The following DTD1 variants were observed in gnomAD, a reference collection of about 807,000 sequenced individuals.
DTD1 encodes the protein D-tyrosyl-tRNA deacylase 1 homolog.
In DTD1, 13 loss-of-function variants were observed where a neutral mutation model predicts 25.6. That is an observed-to-expected ratio of 0.51 (90% CI 0.33 to 0.81). The LOEUF (loss-of-function observed/expected upper bound fraction) is 0.81, where lower values mean the gene tolerates loss of function less well. Ranked by LOEUF, DTD1 falls within the 30% of genes least tolerant of loss-of-function variation. DTD1 has a pLI of 0.02. For synonymous variants in DTD1, 110 were observed against 103.6 expected (o/e 1.06, Z -0.37); for missense variants, 193 against 266.4 (o/e 0.72, Z 1.92).
intron 1 of DTD1, among the ~76,000 whole-genome samples, chr20:18,591,458 G>A (rs1831819784): frequency 1.3e-5 from 2 of 152,054 alleles, no homozygotes; most frequent in Admixed American, 6.6e-5. Context: ...CTATTAAAAG[G>A]TGTTTAGGAA....
rs2122548512 is a variant in DTD1 at position 18,765,281 on chromosome 20, G to C, written c.*1941G>C. On this transcript the variant is annotated 3_prime_UTR_variant, in exon 6 of 6. Coordinates refer to ENST00000377452, the MANE Select transcript of DTD1 (RefSeq NM_080820.6). ...AGGAACAAAAATAGGAGCAATGGGT[G>C]TAAGTTGCATCAACGTAGATTCTGG... 6.6e-6 allele frequency: 1 copy of C among 152,374 alleles called. No individual in the cohort carries two copies. The allele number at this position is 152,374 out of a possible 1,614,324, so 9.4% of individuals were successfully genotyped here.
At chr20:18,696,155 C>T (rs1400902355) in intron 4 of DTD1, among the ~76,000 whole-genome samples, 2 of 152,194 alleles carry the variant, frequency 1.3e-5, no homozygotes, top group Non-Finnish European at 2.9e-5. Flanking sequence ...GTAAAGAGCA[C>T]ATCTCTGCTC....
Position 18,717,794 on chromosome 20 carries a change from A to T in DTD1, c.478-26306A>T, listed in dbSNP as rs541920787. Among the ~76,000 whole-genome samples the T allele has an allele frequency of 7.8e-3, 1,187 of 152,314 alleles. 8 individuals are homozygous for T. Among genetic ancestry groups the T allele is most frequent in the Non-Finnish European group, 0.012 (849 of 68,030 alleles). ...CCTCAGAAAACTTAGAGCTTAAGCT[A>T]AATGTGATCAGCTAGAACTTCTCAT... On this transcript the variant is annotated intron_variant, in intron 4 of 5. Coordinates refer to ENST00000377452, the MANE Select transcript of DTD1 (RefSeq NM_080820.6).
At chr20:18,655,458 A>G (rs2060888103) in intron 4 of DTD1, among the ~76,000 whole-genome samples, 1 of 152,164 alleles carries the variant, frequency 6.6e-6, no homozygotes, top group Non-Finnish European at 1.5e-5. Context: ...TTTCTGAAAT[A>G]CTTACTTTTA....
chr20:18,591,735 A>T (rs914851273), intron 1 of DTD1, among the ~76,000 whole-genome samples: 3 of 152,222 alleles, frequency 2.0e-5, no homozygotes, highest in Non-Finnish European at 4.4e-5. Flanking sequence ...TTTAGAAAGT[A>T]TATCAATATT....
intron 5 of DTD1, among the ~76,000 whole-genome samples, chr20:18,758,009 T>G (rs1011871066): frequency 6.6e-6 from 1 of 152,224 alleles, no homozygotes; most frequent in African/African-American, 2.4e-5. Flanking sequence ...GGAGGGTGTA[T>G]GTGTCGAGGA....
intron 4 of DTD1, among the ~76,000 whole-genome samples, chr20:18,735,396 G>A (rs151321729): frequency 1.4e-3 from 215 of 152,360 alleles, no homozygotes; most frequent in African/African-American, 4.9e-3. Context: ...AAAGAACCAG[G>A]TCAACTGAAG....
At chr20:18,678,571 T>C (rs1487148930) in intron 4 of DTD1, among the ~76,000 whole-genome samples, 1 of 152,192 alleles carries the variant, frequency 6.6e-6, no homozygotes, top group Non-Finnish European at 1.5e-5. Flanking sequence ...AAATAAAAGA[T>C]CTGAAAACAT....
At chr20:18,690,847 A>C (rs774569140) in intron 4 of DTD1, among the ~76,000 whole-genome samples, 14 of 152,106 alleles carry the variant, frequency 9.2e-5, no homozygotes, top group Non-Finnish European at 1.9e-4. Context: ...GTTTCCTATA[A>C]ATTTTAGGAT....
At chr20:18,614,863 A>G (rs1489198265) in intron 3 of DTD1, among the ~76,000 whole-genome samples, 1 of 148,502 alleles carries the variant, frequency 6.7e-6, no homozygotes, top group Non-Finnish European at 1.5e-5. Flanking sequence ...CTCTCCTTCA[A>G]TCCCTTCCTT....
chr20:18,669,867 G>A (rs1453182776), intron 4 of DTD1, among the ~76,000 whole-genome samples: 2 of 152,144 alleles, frequency 1.3e-5, no homozygotes, highest in African/African-American at 4.8e-5. Flanking sequence ...ACAAGTCTTT[G>A]CTGGCTCCAG....
rs771564529 is a variant in DTD1, at chr20:18,622,942, A to ATTTTTTTTTTTTTTTT, written c.371-5173_371-5172insTTTTTTTTTTTTTTTT. Reference sequence around the variant, plus strand: ...ACTTATTAGAAGACAATTTTATAGAATTTTTTTTTTTTGTCTGAGATGGAG... The same window carrying ATTTTTTTTTTTTTTTT: ...ACTTATTAGAAGACAATTTTATAGAATTTTTTTTTTTTTTTTTTTTTTTTTTTTGTCTGAGATGGAG... On this transcript the variant is annotated intron_variant, in intron 3 of 5. Transcript: ENST00000377452. Among the ~76,000 whole-genome samples, 57 of 129,766 alleles carry ATTTTTTTTTTTTTTTT rather than the reference A, an allele frequency of 4.4e-4. 2 individuals are homozygous for ATTTTTTTTTTTTTTTT. Among genetic ancestry groups the ATTTTTTTTTTTTTTTT allele is most frequent in the African/African-American group, 6.6e-4 (23 of 35,068 alleles). The allele number at this position is 129,766 out of a possible 152,430, so 85.1% of individuals were successfully genotyped here.
intron 4 of DTD1, among the ~76,000 whole-genome samples, chr20:18,703,435 C>G (rs1376049037): frequency 1.3e-5 from 2 of 151,902 alleles, no homozygotes; most frequent in African/African-American, 4.8e-5. Flanking sequence ...CTTGAGGAAG[C>G]TCTCTTCTTC....
At chr20:18,648,933 T>G (rs1254163106) in intron 4 of DTD1, among the ~76,000 whole-genome samples, 1 of 136,200 alleles carries the variant, frequency 7.3e-6, no homozygotes, top group African/African-American at 2.8e-5. Context: ...GAGGCAGAGC[T>G]TGCAGTGAGC....
At chr20:18,670,379 C>A (rs1238627545) in intron 4 of DTD1, among the ~76,000 whole-genome samples, 6 of 152,146 alleles carry the variant, frequency 3.9e-5, no homozygotes. Context: ...TTGCCTGAAC[C>A]CAGGAGGCGG....
intron 4 of DTD1, among the ~76,000 whole-genome samples, chr20:18,671,823 G>A (rs1346275388): frequency 6.6e-6 from 1 of 152,184 alleles, no homozygotes; most frequent in African/African-American, 2.4e-5. Flanking sequence ...AAGTTTGAGG[G>A]CAGGAAACAT....
At chr20:18,629,892 A>G (rs1432399842) in intron 4 of DTD1, among the ~76,000 whole-genome samples, 2 of 152,032 alleles carry the variant, frequency 1.3e-5, no homozygotes, top group African/African-American at 4.8e-5. Context: ...AGATCTCATG[A>G]GAACTCACTG....
intron 4 of DTD1, among the ~76,000 whole-genome samples, chr20:18,663,603 T>C (rs977696215): frequency 2.6e-5 from 4 of 152,220 alleles, no homozygotes; most frequent in Non-Finnish European, 5.9e-5. Context: ...ATACTTACCA[T>C]TGTGTTACAG....
At chr20:18,628,275 C>CTG in intron 4 of DTD1, 42 bp downstream of exon 4, 1 of 1,504,784 alleles carries the variant, frequency 6.6e-7, no homozygotes, top group South Asian at 1.1e-5. Context: ...CCTTGGGTGC[C>CTG]TGTAACATCC....
Sources: gnomAD v4.1 joint callset for allele counts (sites outside exome capture counted in the v4.1 genomes callset) on GRCh38, gnomAD v4.1.1 for gene constraint, MANE v1.5 for transcripts, NCBI Gene and HGNC (gene_info 2026-07-23, HGNC 2026-07-21) for gene names.